ARHGAP21: variants seen among roughly 807,000 people sequenced by gnomAD.
ARHGAP21 encodes the protein Rho GTPase activating protein 21.
Under a neutral mutation model 164.6 loss-of-function variants are expected in ARHGAP21, and 38 were observed. The ratio of observed to expected loss-of-function variants is 0.23; its 90% CI spans 0.18 to 0.30. The LOEUF is 0.30. ARHGAP21 is among the 10% of genes least tolerant of loss of function. ARHGAP21 has a pLI of 1.00. For synonymous variants in ARHGAP21, 766 were observed against 857.9 expected (o/e 0.89, Z 1.87); for missense variants, 1,822 against 2,370.7 (o/e 0.77, Z 4.81).
Position 24,621,110 on chromosome 10 carries a change from G to A in ARHGAP21, c.785C>T (p.Thr262Ile), listed in dbSNP as rs1255797442. 6 of 1,613,674 alleles carry A rather than the reference G, an allele frequency of 3.7e-6. No homozygotes were observed. Among genetic ancestry groups the A allele is most frequent in the Admixed American group, 1.7e-5 (1 of 60,006 alleles). Residue 262 changes from threonine to isoleucine, a missense_variant, in exon 9 of 26, where the codon ACA becomes ATA. By Grantham distance (89) the Thr-to-Ile change is moderately conservative. Around this residue, in one of 5 missense-constraint regions of ARHGAP21, gnomAD observed 1,090 missense variants for 1,378.9 expected, o/e 0.79. Coordinates refer to ENST00000396432, the MANE Select transcript of ARHGAP21 (RefSeq NM_020824.4). Reference protein sequence around the residue: ...PSPTDVAKSNTAVCVCNESVR... With the variant: ...PSPTDVAKSNIAVCVCNESVR... The stretch of plus-strand genomic sequence containing the variant: ...ACTTTCATTGCAAACACACACTGCT[G>A]TGTTTGATTTTGCAACATCTGTTGG...
intron 2 of ARHGAP21, among the ~76,000 whole-genome samples, chr10:24,679,352 TG>T (rs2131869809): frequency 6.6e-6 from 1 of 152,338 alleles, no homozygotes; most frequent in African/African-American, 2.4e-5. Flanking sequence ...GGTCGTTTCC[TG>T]GGGCTTCTTT....
intron 2 of ARHGAP21, among the ~76,000 whole-genome samples, chr10:24,714,862 C>G (rs113457733): frequency 0.013 from 2,005 of 151,982 alleles, 35 homozygotes; most frequent in African/African-American, 0.046. Context: ...AACCCCGTCT[C>G]TACTAAAAAT....
At position 24,654,573 on chromosome 10, in the gene ARHGAP21, G is replaced by C. The variant is rs551015140; in HGVS notation, c.268+12412C>G. Among the ~76,000 whole-genome samples, 30 of 152,292 alleles carry C rather than the reference G, an allele frequency of 2.0e-4. 1 individual carries two copies. The East Asian group carries it at 5.4e-3, about 27-fold the overall frequency. On this transcript the variant is annotated intron_variant, in intron 4 of 25. Coordinates refer to ENST00000396432, the MANE Select transcript of ARHGAP21 (RefSeq NM_020824.4). Reference sequence around the variant, plus strand: ...AATCCAACTTACAAGGGATGTGAAGGACCTCTTCAAGGAGAACTACAAACC... The same window carrying C: ...AATCCAACTTACAAGGGATGTGAAGCACCTCTTCAAGGAGAACTACAAACC...
chr10:24,591,522 G>T, intron 23 of ARHGAP21, 120 bp downstream of exon 23: 2 of 1,321,150 alleles, frequency 1.5e-6, no homozygotes, highest in South Asian at 1.2e-5. Context: ...CTGAGCTAGA[G>T]ACCTGCTTCC....
chr10:24,621,947 T>C (rs1834582349), intron 8 of ARHGAP21, among the ~76,000 whole-genome samples: 1 of 152,100 alleles, frequency 6.6e-6, no homozygotes, highest in Non-Finnish European at 1.5e-5. Context: ...AGTAAGATAA[T>C]ATGCAAGTTT....
At chr10:24,591,802 G>C in intron 22 of ARHGAP21, 85 bp downstream of exon 22, 2 of 1,596,350 alleles carry the variant, frequency 1.3e-6, no homozygotes, top group Non-Finnish European at 8.5e-7. Flanking sequence ...ACCAACCTCT[G>C]TCTGACCAAA....
intron 7 of ARHGAP21, 184 bp from the exon 8 acceptor site, chr10:24,622,946 T>G: frequency 1.9e-6 from 1 of 531,062 alleles, no homozygotes. Context: ...CTGAACATCT[T>G]TTTCTCAGGC....
rs565872094 is a variant in ARHGAP21, at chr10:24,624,337, C to CT, written c.496-1576dup. On this transcript the variant is annotated intron_variant, in intron 7 of 25. Coordinates refer to ENST00000396432, the MANE Select transcript of ARHGAP21 (RefSeq NM_020824.4). The stretch of plus-strand genomic sequence containing the variant: ...CTGCCTGGGAAATGCTGTTCTAGAA[C>CT]TTTTTTTTTTTTTTTTTTTTGAGAC... 7.8e-3 allele frequency among the ~76,000 whole-genome samples: 802 copies of CT among 102,826 alleles called. 27 individuals carry two copies. Among genetic ancestry groups the CT allele is most frequent in the Middle Eastern group, 0.014 (2 of 142 alleles). 67.5% of individuals were successfully genotyped at this position (102,826 alleles called of 152,430 possible).
rs2076531408 is a variant in ARHGAP21 at position 24,595,300 on chromosome 10, T to C, written c.3713-110A>G. ...ACCACAACATAGGAAAGAGTTCTAA[T>C]AGTTTTGAAATGTAAATTTCTAAAA... On this transcript the variant is annotated intron_variant, in intron 19 of 25. Coordinates refer to ENST00000396432, the MANE Select transcript of ARHGAP21 (RefSeq NM_020824.4). The C allele has an allele frequency of 8.5e-6, 8 of 941,702 alleles. 1 individual carries two copies. In the East Asian group the frequency reaches 1.0e-4, roughly 12 times the overall value. The allele number at this position is 941,702 out of a possible 1,614,324, so 58.3% of individuals were successfully genotyped here.
At chr10:24,602,470 AAAT>A (rs1176557089) in intron 12 of ARHGAP21, among the ~76,000 whole-genome samples, 1 of 152,210 alleles carries the variant, frequency 6.6e-6, no homozygotes, top group Non-Finnish European at 1.5e-5. Context: ...TACTCTGAAG[AAAT>A]AATATTTTGT....
Position 24,709,656 on chromosome 10 carries a change from T to C in ARHGAP21, c.63+12181A>G, listed in dbSNP as rs141330624. Among the ~76,000 whole-genome samples, 7 of 151,668 alleles carry C rather than the reference T, an allele frequency of 4.6e-5. No individual in the cohort carries two copies. In the East Asian group the frequency reaches 9.7e-4, roughly 21 times the overall value. Reference sequence around the variant, plus strand: ...TCAGGAGACTGGACAGAAAGACTGCTTGAGGCCAGCAGGTCGAGGCTACAG... The same window carrying C: ...TCAGGAGACTGGACAGAAAGACTGCCTGAGGCCAGCAGGTCGAGGCTACAG... On this transcript the variant is annotated intron_variant, in intron 2 of 25. Transcript: ENST00000396432.
At chr10:24,708,598 G>A (rs1365914953) in intron 2 of ARHGAP21, among the ~76,000 whole-genome samples, 1 of 152,088 alleles carries the variant, frequency 6.6e-6, no homozygotes, top group East Asian at 1.9e-4. Flanking sequence ...ACCCTTCTGA[G>A]TCTCCATTGT....
intron 2 of ARHGAP21, among the ~76,000 whole-genome samples, chr10:24,692,751 G>A (rs1472486408): frequency 6.6e-6 from 1 of 151,944 alleles, no homozygotes; most frequent in Non-Finnish European, 1.5e-5. Flanking sequence ...AGAATCACTT[G>A]AATCTGAAAG....
rs145109394 is a variant in ARHGAP21 at position 24,647,030 on chromosome 10, A to G, written c.269-11927T>C. Among the ~76,000 whole-genome samples the G allele has an allele frequency of 1.5e-3, 231 of 152,310 alleles. 5 individuals are homozygous for G. In the East Asian group the frequency reaches 0.038, roughly 25 times the overall value. ...CTTTTTCACCTGTATCGTCCTATCT[A>G]TTCAGTGTCTCCAATTAGTTCTCTG... On this transcript the variant is annotated intron_variant, in intron 4 of 25. Coordinates refer to ENST00000396432, the MANE Select transcript of ARHGAP21 (RefSeq NM_020824.4).
At chr10:24,631,111 T>C (rs1835812408) in intron 6 of ARHGAP21, among the ~76,000 whole-genome samples, 1 of 152,210 alleles carries the variant, frequency 6.6e-6, no homozygotes, top group Non-Finnish European at 1.5e-5. Flanking sequence ...CCGGGCGAAG[T>C]GGCTTACGTT....
intron 4 of ARHGAP21, among the ~76,000 whole-genome samples, 171 bp from the exon 5 acceptor site, chr10:24,635,274 C>T (rs1208568320): frequency 6.6e-6 from 1 of 152,162 alleles, no homozygotes; most frequent in African/African-American, 2.4e-5. Flanking sequence ...TTAATTCAAA[C>T]ATTTATTTTG....
At chr10:24,634,547 T>C (rs1836181829) in intron 5 of ARHGAP21, among the ~76,000 whole-genome samples, 1 of 152,204 alleles carries the variant, frequency 6.6e-6, no homozygotes, top group South Asian at 2.1e-4. Flanking sequence ...TACTGACACC[T>C]TCAGATGAAG....
intron 2 of ARHGAP21, among the ~76,000 whole-genome samples, chr10:24,674,734 T>C (rs1478820351): frequency 6.6e-6 from 1 of 152,084 alleles, no homozygotes; most frequent in Non-Finnish European, 1.5e-5. Flanking sequence ...CACACACGTA[T>C]ATACATACAC....
chr10:24,585,599 T>G lies in ARHGAP21; in HGVS notation c.4690A>C (p.Lys1564Gln), dbSNP rs765917061. The change falls in exon 26 of 26, where the codon AAG becomes CAG. Residue 1564 changes from lysine to glutamine, a missense_variant. By Grantham distance (53) the Lys-to-Gln change is moderately conservative. Coordinates refer to ENST00000396432, the MANE Select transcript of ARHGAP21 (RefSeq NM_020824.4). Reference sequence around the variant, plus strand: ...TTCGTTTCTGGACTGGTTGATTTCTTCATGGAAAACCTTGCCAGGGAGGCC... The same window carrying G: ...TTCGTTTCTGGACTGGTTGATTTCTGCATGGAAAACCTTGCCAGGGAGGCC... Reference protein sequence around the residue: ...SQASLARFSMKKSTSPETKHS... With the variant: ...SQASLARFSMQKSTSPETKHS... 1.2e-6 allele frequency: 2 copies of G among 1,614,188 alleles called. No individual in the cohort carries two copies. The highest frequency in any genetic ancestry group is 1.7e-6 in the Non-Finnish European group (2 of 1,180,040).
Sources: gnomAD v4.1 joint callset for allele counts (sites outside exome capture counted in the v4.1 genomes callset) on GRCh38, gnomAD v4.1.1 for gene constraint, gnomAD v4.1.1 regional missense constraint, MANE v1.5 for transcripts, NCBI Gene and HGNC (gene_info 2026-07-23, HGNC 2026-07-21) for gene names.